TBC1D32: variants seen among roughly 807,000 people sequenced by gnomAD.
TBC1D32 encodes TBC1 domain family member 32.
TBC1D32 carries 151 observed loss-of-function variants against 170.3 expected under a neutral mutation model. That is an observed-to-expected ratio of 0.89 (90% CI 0.78 to 1.01). The LOEUF is 1.01. Ranked by LOEUF, TBC1D32 falls within the 50% of genes least tolerant of loss-of-function variation. The pLI, the probability that TBC1D32 is intolerant of heterozygous loss-of-function variation, is 0.00. For missense variants in TBC1D32, 1,464 were observed against 1,457.1 expected (o/e 1.00, Z -0.08); for synonymous variants, 498 against 488.0 (o/e 1.02, Z -0.27).
At chr6:121,194,484 G>T (rs1790475080) in intron 22 of TBC1D32, among the ~76,000 whole-genome samples, 1 of 152,180 alleles carries the variant, frequency 6.6e-6, no homozygotes, top group Admixed American at 6.5e-5. Flanking sequence ...TCTCCCATCT[G>T]GCCTGTGCAG....
intron 15 of TBC1D32, among the ~76,000 whole-genome samples, chr6:121,265,454 A>C (rs1001707657): frequency 6.6e-6 from 1 of 152,180 alleles, no homozygotes; most frequent in Admixed American, 6.5e-5. Context: ...ATGGATAGCA[A>C]GAATCAACAT....
intron 10 of TBC1D32, among the ~76,000 whole-genome samples, chr6:121,295,346 G>T (rs1444893087): frequency 6.7e-6 from 1 of 148,736 alleles, no homozygotes; most frequent in African/African-American, 2.5e-5. Context: ...ATTAAATCTG[G>T]TAACAAGGCA....
At chr6:121,277,612 G>A (rs1802407696) in intron 15 of TBC1D32, among the ~76,000 whole-genome samples, 1 of 151,188 alleles carries the variant, frequency 6.6e-6, no homozygotes, top group African/African-American at 2.4e-5. Context: ...GGAAAGATGT[G>A]GTTTAGAGGG....
chr6:121,230,894 G>A (rs1795655555), intron 20 of TBC1D32, among the ~76,000 whole-genome samples: 1 of 152,012 alleles, frequency 6.6e-6, no homozygotes, highest in South Asian at 2.1e-4. Flanking sequence ...CATCACCTGA[G>A]TAGTGTACCC....
chr6:121,170,165 A>G (rs961645508), intron 22 of TBC1D32, among the ~76,000 whole-genome samples: 4 of 151,940 alleles, frequency 2.6e-5, no homozygotes, highest in Non-Finnish European at 5.9e-5. Context: ...ACACATACAC[A>G]CACACACACA....
intron 24 of TBC1D32, among the ~76,000 whole-genome samples, chr6:121,149,078 A>C (rs1474369854): frequency 6.6e-6 from 1 of 151,972 alleles, no homozygotes; most frequent in Non-Finnish European, 1.5e-5. Flanking sequence ...GTCTGTTCAT[A>C]TCCTTTGCTC....
At chr6:121,327,689 C>T (rs1300449362) in intron 1 of TBC1D32, among the ~76,000 whole-genome samples, 1 of 152,116 alleles carries the variant, frequency 6.6e-6, no homozygotes, top group Non-Finnish European at 1.5e-5. Context: ...CTATATAGTT[C>T]CAGCAACTGT....
intron 29 of TBC1D32, among the ~76,000 whole-genome samples, 184 bp from the exon 30 acceptor site, chr6:121,106,347 G>C (rs1221250627): frequency 2.0e-5 from 3 of 151,888 alleles, no homozygotes; most frequent in African/African-American, 7.2e-5. Flanking sequence ...ATGTTAAACA[G>C]TGTTGAAAGA....
At chr6:121,172,484 C>A (rs1787169462) in intron 22 of TBC1D32, among the ~76,000 whole-genome samples, 2 of 152,078 alleles carry the variant, frequency 1.3e-5, no homozygotes, top group Admixed American at 6.6e-5. Flanking sequence ...AATACAACAG[C>A]CAAATCTAGG....
chr6:121,173,750 G>A (rs1365066245), intron 22 of TBC1D32, among the ~76,000 whole-genome samples: 1 of 151,982 alleles, frequency 6.6e-6, no homozygotes, highest in African/African-American at 2.4e-5. Context: ...GGAAAAAGGA[G>A]CAAACACACA....
At chr6:121,230,091 T>C (rs1345134594) in intron 20 of TBC1D32, among the ~76,000 whole-genome samples, 1 of 152,074 alleles carries the variant, frequency 6.6e-6, no homozygotes, top group Non-Finnish European at 1.5e-5. Flanking sequence ...TTACCCAGTC[T>C]CGGGTAGTTC....
At chr6:121,277,834 G>T (rs1010334675) in intron 15 of TBC1D32, among the ~76,000 whole-genome samples, 22 of 149,762 alleles carry the variant, frequency 1.5e-4, no homozygotes, top group Non-Finnish European at 2.5e-4. Flanking sequence ...TTAGTTTTTT[G>T]AAAAGAACAG....
In TBC1D32 at chr6:121,270,488, C is replaced by T. The variant is rs563490759; in HGVS notation, c.1733+8633G>A. 6.2e-4 allele frequency among the ~76,000 whole-genome samples: 94 copies of T among 152,132 alleles called. 1 individual carries two copies. In the Middle Eastern group the frequency reaches 0.01, roughly 17 times the overall value. The stretch of plus-strand genomic sequence containing the variant: ...TCAGAGAATACTATAAACACCTCTA[C>T]GCAAATAAACTAGAAAATCTAGAAG... On this transcript the variant is annotated intron_variant, in intron 15 of 31. Coordinates refer to ENST00000398212, the MANE Select transcript of TBC1D32 (RefSeq NM_152730.6).
At chr6:121,256,828 C>T (rs1393810392) in intron 15 of TBC1D32, among the ~76,000 whole-genome samples, 1 of 151,970 alleles carries the variant, frequency 6.6e-6, no homozygotes, top group Non-Finnish European at 1.5e-5. Flanking sequence ...TGCTACCATG[C>T]CTGGCTAATT....
intron 17 of TBC1D32, among the ~76,000 whole-genome samples, chr6:121,252,776 A>T (rs1798467021): frequency 6.6e-6 from 1 of 152,198 alleles, no homozygotes; most frequent in African/African-American, 2.4e-5. Context: ...CCAATGGAAC[A>T]GAATAGAGAA....
At chr6:121,095,113 T>C (rs1242250283) in intron 30 of TBC1D32, among the ~76,000 whole-genome samples, 1 of 152,192 alleles carries the variant, frequency 6.6e-6, no homozygotes, top group African/African-American at 2.4e-5. Flanking sequence ...TTTTGTTTTA[T>C]GGTAAACCAC....
intron 24 of TBC1D32, 73 bp downstream of exon 24, chr6:121,159,937 T>G: frequency 9.6e-7 from 1 of 1,036,308 alleles, no homozygotes; most frequent in Non-Finnish European, 1.5e-6. Context: ...TTCATCTTCC[T>G]TAATATTTTC....
intron 24 of TBC1D32, among the ~76,000 whole-genome samples, chr6:121,152,869 C>T (rs1784386007): frequency 6.6e-6 from 1 of 152,136 alleles, no homozygotes; most frequent in African/African-American, 2.4e-5. Flanking sequence ...TTATGTTCTT[C>T]TCTTAACTGG....
At chr6:121,253,403 C>T (rs1798546344) in intron 17 of TBC1D32, among the ~76,000 whole-genome samples, 1 of 152,050 alleles carries the variant, frequency 6.6e-6, no homozygotes, top group Non-Finnish European at 1.5e-5. Flanking sequence ...ACCACTTATT[C>T]CCGCAAGAAA....
Sources: allele counts gnomAD v4.1 joint callset (sites outside exome capture counted in the v4.1 genomes callset), GRCh38; gene constraint gnomAD v4.1.1; transcripts MANE v1.5; gene names NCBI Gene and HGNC (gene_info 2026-07-23, HGNC 2026-07-21).